The following EFEMP1 variants were observed in gnomAD, a reference collection of about 807,000 sequenced individuals.
The protein encoded by EFEMP1 is EGF-like fibulin extracellular matrix protein 1, also known as EGF-containing fibulin-like extracellular matrix protein 1.
EFEMP1 carries 18 observed loss-of-function variants against 65.7 expected under a neutral mutation model. The observed-to-expected ratio is 0.27, with a 90% CI of 0.19 to 0.41. The LOEUF is 0.41. Ranked by LOEUF, EFEMP1 falls within the 10% of genes least tolerant of loss-of-function variation. EFEMP1 has a pLI of 1.00. For synonymous variants in EFEMP1, 237 were observed against 219.7 expected (o/e 1.08, Z -0.70); for missense variants, 469 against 624.8 (o/e 0.75, Z 2.66).
chr2:55,881,546 A>C, intron 6 of EFEMP1, 66 bp downstream of exon 6: 1 of 1,604,374 alleles, frequency 6.2e-7, no homozygotes, highest in South Asian at 1.1e-5. Context: ...TTTGATTGGA[A>C]TGCTTGAGGT....
At chr2:55,905,741 G>A (rs1049740800) in intron 5 of EFEMP1, among the ~76,000 whole-genome samples, 4 of 152,040 alleles carry the variant, frequency 2.6e-5, no homozygotes, top group Admixed American at 6.6e-5. Flanking sequence ...GAGCCACCGC[G>A]CCCAGCCTGA....
At chr2:55,894,675 T>A (rs548900327) in intron 5 of EFEMP1, among the ~76,000 whole-genome samples, 2 of 152,358 alleles carry the variant, frequency 1.3e-5, no homozygotes, top group East Asian at 3.9e-4. Context: ...AGTATTCTTT[T>A]GGAAAGTTAA....
Position 55,883,224 on chromosome 2 carries a change from T to G in EFEMP1, c.518-1490A>C, listed in dbSNP as rs527573364. 6.6e-6 allele frequency among the ~76,000 whole-genome samples: 1 copy of G among 152,246 alleles called. No individual in the cohort carries two copies. The highest frequency in any genetic ancestry group is 2.4e-5 in the African/African-American group (1 of 41,564). On this transcript the variant is annotated intron_variant, in intron 5 of 11. Transcript: ENST00000355426. The surrounding 1 kb of genome is among the most constrained non-coding windows in gnomAD (Gnocchi z 4.5). ...TAATTCTTTGAACTTGGTTTTAAAG[T>G]TTTGGCTAAGGTTTTTGTTATTTTG...
chr2:55,870,947 T>A lies in EFEMP1; in HGVS notation c.1125-32A>T. On this transcript the variant is annotated intron_variant, in intron 10 of 11. Transcript: ENST00000355426. This position sits in a 1 kb window ranked among gnomAD's most constrained non-coding sequence, Gnocchi z 5.8. ...AGACAAACAAAAGTATTCAGCAGTT[T>A]GGCTTGGTAAGACCAGAAAATCCTC... 6.2e-7 allele frequency: 1 copy of A among 1,613,740 alleles called. No homozygotes were observed. The highest frequency in any genetic ancestry group is 8.5e-7 in the Non-Finnish European group (1 of 1,179,774).
At chr2:55,879,385 T>G (rs1457855090) in intron 6 of EFEMP1, among the ~76,000 whole-genome samples, 1 of 152,224 alleles carries the variant, frequency 6.6e-6, no homozygotes, top group Non-Finnish European at 1.5e-5. Flanking sequence ...TGAATGGTAT[T>G]ATACTTTCTA....
Position 55,870,352 on chromosome 2 carries a change from G to T in EFEMP1, c.1320+368C>A. The stretch of plus-strand genomic sequence containing the variant: ...CATCAATGATTAGTGATACCTACTT[G>T]GGGGGTATGTTGGGTGGGGGCAGAG... On this transcript the variant is annotated intron_variant, in intron 11 of 11. Coordinates refer to ENST00000355426, the MANE Select transcript of EFEMP1 (RefSeq NM_001039348.3). The surrounding 1 kb of genome is among the most constrained non-coding windows in gnomAD (Gnocchi z 5.8). Among the ~76,000 whole-genome samples, 1 of 150,632 alleles carries T rather than the reference G, an allele frequency of 6.6e-6. No individual in the cohort carries two copies. Among genetic ancestry groups the T allele is most frequent in the East Asian group, 2.0e-4 (1 of 5,084 alleles).
At chr2:55,899,370 A>G (rs1306536064) in intron 5 of EFEMP1, among the ~76,000 whole-genome samples, 7 of 152,242 alleles carry the variant, frequency 4.6e-5, no homozygotes, top group African/African-American at 1.7e-4. Flanking sequence ...GTACAGTTTG[A>G]ACACGTGTTA....
At chr2:55,916,767 A>G (rs1426068562) in intron 5 of EFEMP1, among the ~76,000 whole-genome samples, 1 of 152,208 alleles carries the variant, frequency 6.6e-6, no homozygotes, top group Non-Finnish European at 1.5e-5. Context: ...CACAGTCTCC[A>G]CACCAGGCTG....
At position 55,870,816 on chromosome 2, in the gene EFEMP1, T is replaced by G; in HGVS notation, c.1224A>C (p.Ser408=). Residue 408 remains serine (S), a synonymous_variant, in exon 11 of 12, where the codon TCA becomes TCC. Transcript: ENST00000355426. This position sits in a 1 kb window ranked among gnomAD's most constrained non-coding sequence, Gnocchi z 5.8. ...MSIRSDRSVP[S]DIFQIQATTI... ...TTGTGGCCTGTATCTGGAAGATGTC[T>G]GATGGCACAGACCTATCAGATCGGA... is the stretch of plus-strand genomic sequence containing the variant. 1.2e-6 allele frequency: 2 copies of G among 1,613,910 alleles called. No individual in the cohort carries two copies. The highest frequency in any genetic ancestry group is 1.7e-6 in the Non-Finnish European group (2 of 1,179,852).
chr2:55,908,519 A>C (rs1278270236), intron 5 of EFEMP1, among the ~76,000 whole-genome samples: 5 of 152,156 alleles, frequency 3.3e-5, no homozygotes, highest in Non-Finnish European at 7.4e-5. Flanking sequence ...TCTGTTGCAT[A>C]GCATAGTGAC....
intron 5 of EFEMP1, among the ~76,000 whole-genome samples, chr2:55,909,590 A>G (rs557847958): frequency 6.6e-6 from 1 of 152,296 alleles, no homozygotes; most frequent in South Asian, 2.1e-4. Context: ...TTTCCTTGTC[A>G]GATTTCCCAA....
At chr2:55,897,342 A>G (rs1484558676) in intron 5 of EFEMP1, among the ~76,000 whole-genome samples, 1 of 152,210 alleles carries the variant, frequency 6.6e-6, no homozygotes, top group Non-Finnish European at 1.5e-5. Context: ...TGTAACTAAC[A>G]AAGCAATATC....
At chr2:55,887,509 A>G (rs1308655598) in intron 5 of EFEMP1, among the ~76,000 whole-genome samples, 1 of 152,112 alleles carries the variant, frequency 6.6e-6, no homozygotes, top group African/African-American at 2.4e-5. Flanking sequence ...CTTTCATAGT[A>G]CTGGAATCAG....
In EFEMP1 at chr2:55,871,117, T is replaced by C; in HGVS notation, c.1007A>G (p.Asn336Ser). 6.2e-7 allele frequency: 1 copy of C among 1,613,584 alleles called. No individual in the cohort carries two copies. The highest frequency in any genetic ancestry group is 8.5e-7 in the Non-Finnish European group (1 of 1,179,644). Residue 336 changes from asparagine (N) to serine (S), a missense_variant, in exon 10 of 12, where the codon AAT (asparagine) becomes AGT (serine). Asn to Ser is a conservative substitution (Grantham distance 46, BLOSUM62 1). This residue lies in a region of EFEMP1 where 399 missense variants were observed against 528.2 expected (regional missense o/e 0.76). Coordinates refer to ENST00000355426, the MANE Select transcript of EFEMP1 (RefSeq NM_001039348.3). The surrounding 1 kb of genome is among the most constrained non-coding windows in gnomAD (Gnocchi z 4.2). ...VVRSRTCQDI[N>S]ECETTNECRE... ...GCATTCATTTGTGGTCTCACACTCATTTATATCTGTAGAGATGTAGGGTCA... is the reference window on the plus strand; with the variant it reads ...GCATTCATTTGTGGTCTCACACTCACTTATATCTGTAGAGATGTAGGGTCA...
rs755194729 is a variant in EFEMP1, at chr2:55,866,891, C to G, written c.*182G>C. The G allele has an allele frequency of 3.1e-4, 231 of 748,738 alleles. No individual in the cohort carries two copies. The highest frequency in any genetic ancestry group is 4.3e-4 in the Non-Finnish European group (202 of 471,976). The allele number at this position is 748,738 out of a possible 1,614,324, so 46.4% of individuals were successfully genotyped here. On this transcript the variant is annotated 3_prime_UTR_variant, in exon 12 of 12. Coordinates refer to ENST00000355426, the MANE Select transcript of EFEMP1 (RefSeq NM_001039348.3). ...TCTAATTTACATATAGTAATAAAGA[C>G]AAACTTTGAATCTTTACATATTAAA...
intron 5 of EFEMP1, among the ~76,000 whole-genome samples, chr2:55,907,963 C>T (rs554985114): frequency 5.0e-4 from 76 of 152,330 alleles, no homozygotes; most frequent in East Asian, 2.5e-3. Context: ...CCCTTCCCTA[C>T]GTCACTCTTA....
intron 5 of EFEMP1, among the ~76,000 whole-genome samples, chr2:55,893,165 A>G (rs1669697407): frequency 6.6e-6 from 1 of 152,178 alleles, no homozygotes. Flanking sequence ...CATGAGTTTC[A>G]GAATTAGAGG....
intron 5 of EFEMP1, among the ~76,000 whole-genome samples, chr2:55,891,039 T>C (rs567881093): frequency 1.3e-5 from 2 of 152,084 alleles, no homozygotes; most frequent in Admixed American, 1.3e-4. Flanking sequence ...TTGTACAGAT[T>C]ATTTTGTCAG....
intron 5 of EFEMP1, among the ~76,000 whole-genome samples, chr2:55,913,403 T>C (rs1418389574): frequency 6.6e-6 from 1 of 152,222 alleles, no homozygotes; most frequent in Non-Finnish European, 1.5e-5. Context: ...TGGACATTCG[T>C]ACTGAGTTCA....
Sources: gnomAD v4.1 joint callset for allele counts (sites outside exome capture counted in the v4.1 genomes callset) on GRCh38, gnomAD v4.1.1 for gene constraint, gnomAD v4.1.1 regional missense constraint, Gnocchi (gnomAD v3.1) non-coding constraint, MANE v1.5 for transcripts, NCBI Gene and HGNC (gene_info 2026-07-23, HGNC 2026-07-21) for gene names.